Variants in INSC observed in about 807,000 individuals in gnomAD.
The protein encoded by INSC is protein inscuteable homolog.
INSC carries 67 observed loss-of-function variants against 58.6 expected under a neutral mutation model. That is an observed-to-expected ratio of 1.14 (90% CI 0.94 to 1.40). The LOEUF (loss-of-function observed/expected upper bound fraction) is 1.40. INSC is among the 40% of genes most tolerant of loss of function. INSC has a pLI of 0.00. For synonymous variants in INSC, 262 were observed against 276.1 expected (o/e 0.95, Z 0.51); for missense variants, 714 against 692.0 (o/e 1.03, Z -0.36).
intron 1 of INSC, among the ~76,000 whole-genome samples, chr11:15,146,435 C>T (rs1028267176): frequency 4.6e-5 from 7 of 152,308 alleles, no homozygotes; most frequent in African/African-American, 1.7e-4. Context: ...GATGCATATG[C>T]AATCAGATGT....
At chr11:15,119,272 T>C (rs1847809601) in intron 1 of INSC, among the ~76,000 whole-genome samples, 1 of 152,134 alleles carries the variant, frequency 6.6e-6, no homozygotes, top group Non-Finnish European at 1.5e-5. Context: ...CTGGGTTGTG[T>C]GGGGATCTCT....
chr11:15,220,086 GCTA>G (rs1185853856), intron 7 of INSC, among the ~76,000 whole-genome samples: 3 of 152,218 alleles, frequency 2.0e-5, no homozygotes, highest in African/African-American at 7.2e-5. Context: ...GGCTTTCACA[GCTA>G]ATGGACCTTA....
In INSC at chr11:15,173,814, T is replaced by A. The variant is rs571063160; in HGVS notation, c.57-1927T>A. On this transcript the variant is annotated intron_variant, in intron 2 of 12. Coordinates refer to ENST00000379556, the MANE Select transcript of INSC (RefSeq NM_001042536.3). ...TAAACATAAGATGTGTGGTTAAAAA[T>A]TACATTTAAAAGCCTACAGTCAAAT... Among the ~76,000 whole-genome samples the A allele has an allele frequency of 2.0e-5, 3 of 152,164 alleles. No individual in the cohort carries two copies. The South Asian group carries it at 6.2e-4, about 31-fold the overall frequency.
chr11:15,217,922 G>A (rs1204570093), intron 7 of INSC, among the ~76,000 whole-genome samples: 2 of 152,322 alleles, frequency 1.3e-5, no homozygotes, highest in South Asian at 2.1e-4. Context: ...GTGTGATTAT[G>A]TATTGCTGGT....
At position 15,219,768 on chromosome 11, in the gene INSC, A is replaced by C. The variant is rs201137111; in HGVS notation, c.820-1709A>C. Among the ~76,000 whole-genome samples the C allele has an allele frequency of 9.8e-5, 15 of 152,340 alleles. No homozygotes were observed. The East Asian group carries it at 2.9e-3, about 29-fold the overall frequency. On this transcript the variant is annotated intron_variant, in intron 7 of 12. Coordinates refer to ENST00000379556, the MANE Select transcript of INSC (RefSeq NM_001042536.3). ...CCCACTAATGATCCTATAGCTTCTT[A>C]GCAACGAGCTTGATCTGTGCTGGAA...
At chr11:15,168,594 C>T (rs1001978023) in intron 2 of INSC, among the ~76,000 whole-genome samples, 2 of 152,174 alleles carry the variant, frequency 1.3e-5, no homozygotes, top group African/African-American at 4.8e-5. Context: ...TTGTGCCATG[C>T]AGTGTGCTAG....
chr11:15,166,820 T>C (rs371307684), intron 2 of INSC, among the ~76,000 whole-genome samples: 16 of 152,220 alleles, frequency 1.1e-4, no homozygotes, highest in African/African-American at 3.1e-4. Context: ...GATGGGAAGA[T>C]GAATAGTGTG....
intron 1 of INSC, among the ~76,000 whole-genome samples, chr11:15,142,234 C>G (rs564931403): frequency 1.3e-5 from 2 of 152,200 alleles, no homozygotes; most frequent in Non-Finnish European, 2.9e-5. Context: ...GTGAAGAAGT[C>G]TTCTGTATTT....
chr11:15,253,898 G>C, the INSC span, among the ~76,000 whole-genome samples: 40 of 152,146 alleles, frequency 2.6e-4, no homozygotes, highest in African/African-American at 8.7e-4. Context: ...CCATATCTAT[G>C]TTCTGGGTAA....
chr11:15,255,736 A>ATATG, the INSC span, among the ~76,000 whole-genome samples: 1 of 147,912 alleles, frequency 6.8e-6, no homozygotes, highest in East Asian at 2.0e-4. Flanking sequence ...AAGTGTGTGT[A>ATATG]TGTGTGTGTG....
chr11:15,149,082 G>C, intron 1 of INSC, 48 bp from the exon 2 acceptor site: 1 of 1,504,120 alleles, frequency 6.6e-7, no homozygotes, highest in Non-Finnish European at 8.9e-7. Context: ...AAGTGATTGT[G>C]CCTCCTCTTT....
chr11:15,175,702 G>A, intron 2 of INSC, 39 bp from the exon 3 acceptor site: 1 of 1,453,230 alleles, frequency 6.9e-7, no homozygotes, highest in Non-Finnish European at 9.3e-7. Context: ...GAAATCATGG[G>A]GTGTTGATAA....
chr11:15,224,494 T>G (rs1851557212), intron 8 of INSC, among the ~76,000 whole-genome samples: 1 of 152,192 alleles, frequency 6.6e-6, no homozygotes, highest in Admixed American at 6.5e-5. Context: ...AGAACACAGC[T>G]CAATTTTGTC....
downstream of INSC, among the ~76,000 whole-genome samples, chr11:15,248,044 A>T (rs1168696477): frequency 6.6e-6 from 1 of 152,182 alleles, no homozygotes; most frequent in Non-Finnish European, 1.5e-5. Flanking sequence ...TGTTCCACAG[A>T]AAAAGCAACT....
intron 1 of INSC, among the ~76,000 whole-genome samples, chr11:15,125,567 A>G (rs1423530272): frequency 2.0e-5 from 3 of 152,226 alleles, no homozygotes; most frequent in African/African-American, 7.2e-5. Context: ...TTCATTTTCT[A>G]TTCTACAGAT....
At chr11:15,160,844 G>A (rs1848992958) in intron 2 of INSC, among the ~76,000 whole-genome samples, 1 of 152,206 alleles carries the variant, frequency 6.6e-6, no homozygotes, top group Admixed American at 6.5e-5. Flanking sequence ...AAACTGCAGA[G>A]GTGGTGAGAG....
intron 7 of INSC, among the ~76,000 whole-genome samples, chr11:15,218,002 C>A (rs1451015683): frequency 6.6e-6 from 1 of 152,126 alleles, no homozygotes. Flanking sequence ...GATGCGGAAA[C>A]ACTTTGCCCT....
chr11:15,147,449 T>C (rs755276066), intron 1 of INSC, among the ~76,000 whole-genome samples: 1 of 152,210 alleles, frequency 6.6e-6, no homozygotes, highest in Admixed American at 6.5e-5. Context: ...AACAGCTAAC[T>C]ATTTATTTAG....
intron 12 of INSC, among the ~76,000 whole-genome samples, chr11:15,243,544 G>T (rs1852439487): frequency 6.6e-6 from 1 of 152,124 alleles, no homozygotes; most frequent in Non-Finnish European, 1.5e-5. Context: ...AAGGGTGCAG[G>T]GTCCTTTGAG....
Sources: gnomAD v4.1 joint callset for allele counts (sites outside exome capture counted in the v4.1 genomes callset) on GRCh38, gnomAD v4.1.1 for gene constraint, MANE v1.5 for transcripts, NCBI Gene and HGNC (gene_info 2026-07-23, HGNC 2026-07-21) for gene names.